The following SUMF1 variants were observed in gnomAD, a reference collection of about 807,000 sequenced individuals.
SUMF1 encodes the protein sulfatase modifying factor 1.
Under a neutral mutation model 47.6 loss-of-function variants are expected in SUMF1, and 48 were observed. That is an observed-to-expected ratio of 1.01 (90% CI 0.80 to 1.28). The LOEUF is 1.28. SUMF1 is among the 50% of genes most tolerant of loss of function. The probability of loss-of-function intolerance (pLI) is 0.00; values close to 1 mark genes in which losing one functional copy is unlikely to be tolerated. For missense variants in SUMF1, 571 were observed against 485.4 expected (o/e 1.18, Z -1.66); for synonymous variants, 230 against 192.1 (o/e 1.20, Z -1.63).
At chr3:4,382,207 T>C (rs922344039) in intron 7 of SUMF1, among the ~76,000 whole-genome samples, 6 of 152,054 alleles carry the variant, frequency 3.9e-5, no homozygotes, top group African/African-American at 1.4e-4. Context: ...TCAATCTTAT[T>C]AACAAAAATA....
At chr3:4,048,396 G>T (rs1695044685) in intron 9 of SUMF1, among the ~76,000 whole-genome samples, 1 of 152,104 alleles carries the variant, frequency 6.6e-6, no homozygotes, top group Non-Finnish European at 1.5e-5. Context: ...TATCTGTTTT[G>T]AAAAGTAAAA....
intron 8 of SUMF1, chr3:4,316,442 G>C: frequency 6.3e-7 from 1 of 1,599,944 alleles, no homozygotes. Flanking sequence ...ACGACCAGTT[G>C]AGAGCAATCA....
chr3:4,202,186 T>C (rs114093878), intron 8 of SUMF1, among the ~76,000 whole-genome samples: 6 of 152,260 alleles, frequency 3.9e-5, no homozygotes, highest in Non-Finnish European at 7.4e-5. Context: ...CCCAGACCAA[T>C]GTCCTGGACA....
intron 8 of SUMF1, among the ~76,000 whole-genome samples, chr3:4,255,114 G>A (rs940577851): frequency 6.7e-6 from 1 of 150,370 alleles, no homozygotes; most frequent in Non-Finnish European, 1.5e-5. Flanking sequence ...CCTGAAGGAA[G>A]CACTAAACAT....
intron 8 of SUMF1, among the ~76,000 whole-genome samples, chr3:4,283,440 A>C (rs944081398): frequency 6.6e-6 from 1 of 152,148 alleles, no homozygotes; most frequent in East Asian, 1.9e-4. Context: ...AATTTCATTA[A>C]ATTTCATTAA....
intron 8 of SUMF1, among the ~76,000 whole-genome samples, chr3:4,307,603 C>T (rs1698240823): frequency 6.6e-6 from 1 of 152,178 alleles, no homozygotes; most frequent in South Asian, 2.1e-4. Context: ...AATCTTCACC[C>T]AGTGCTTCAA....
rs1701842948 is a variant in SUMF1, at chr3:4,420,112, C to T, written c.554G>A (p.Gly185Asp). Residue 185 changes from glycine to aspartate, a missense_variant, in exon 4 of 9, where the codon GGC (glycine) becomes GAC (aspartate). Coordinates refer to ENST00000272902, the MANE Select transcript of SUMF1 (RefSeq NM_182760.4). ...AAAPWWLPVK[G>D]ANWRHPEGPD... ...CCCTTCTGGGTGTCTCCAGTTAGCG[C>T]CTTTCACAGGTAACCACCAGGGAGC... The T allele has an allele frequency of 1.9e-6, 3 of 1,614,104 alleles. No homozygotes were observed. The highest frequency in any genetic ancestry group is 2.5e-6 in the Non-Finnish European group (3 of 1,180,006).
chr3:4,350,148 G>C (rs74396695), intron 8 of SUMF1, among the ~76,000 whole-genome samples: 11 of 151,356 alleles, frequency 7.3e-5, no homozygotes, highest in South Asian at 6.3e-4. Context: ...TTACAGGCAT[G>C]CACCACCACG....
chr3:4,135,476 AAAT>A (rs200071262), intron 8 of SUMF1, among the ~76,000 whole-genome samples: 38,530 of 151,888 alleles, frequency 0.25, 5,699 homozygotes, highest in East Asian at 0.39. Context: ...ATGTATCTCA[AAAT>A]AATAACAGCT....
chr3:4,156,986 A>T (rs191651544), intron 8 of SUMF1, among the ~76,000 whole-genome samples: 1 of 151,656 alleles, frequency 6.6e-6, no homozygotes, highest in Non-Finnish European at 1.5e-5. Context: ...TTCAAAGTTG[A>T]TCCAGAGAGA....
At chr3:4,352,677 T>C (rs1688407) in intron 8 of SUMF1, among the ~76,000 whole-genome samples, 55,811 of 147,366 alleles carry the variant, frequency 0.38, 12,159 homozygotes, top group African/African-American at 0.6. Flanking sequence ...TTGTTGAGGG[T>C]AGTCCATGCA....
At chr3:4,064,991 C>T (rs1374545420) in intron 9 of SUMF1, among the ~76,000 whole-genome samples, 5 of 152,112 alleles carry the variant, frequency 3.3e-5, no homozygotes, top group African/African-American at 9.7e-5. Context: ...TCACTTGCAA[C>T]ATGTAAATAA....
At chr3:4,185,182 G>C (rs1695175602) in intron 8 of SUMF1, among the ~76,000 whole-genome samples, 1 of 152,140 alleles carries the variant, frequency 6.6e-6, no homozygotes, top group African/African-American at 2.4e-5. Context: ...GCAGGCTTCA[G>C]AGGCATAGTC....
rs544425019 is a variant in SUMF1 at position 4,172,052 on chromosome 3, G to C, written c.1015-103307C>G. 8.8e-4 allele frequency among the ~76,000 whole-genome samples: 134 copies of C among 152,298 alleles called. 1 individual carries two copies. Among genetic ancestry groups the C allele is most frequent in the Admixed American group, 2.9e-3 (44 of 15,296 alleles). On this transcript the variant is annotated intron_variant and NMD_transcript_variant, in intron 8 of 12. Coordinates refer to the SUMF1 transcript ENST00000448413. ...TGAATGTGGCAAGAACTGAGGCAGA[G>C]ACTGGTTAGAAAGTTTCTGTAGGAA... is the stretch of plus-strand genomic sequence containing the variant.
chr3:4,074,250 A>C (rs1692359499), intron 8 of SUMF1, among the ~76,000 whole-genome samples: 1 of 152,208 alleles, frequency 6.6e-6, no homozygotes, highest in Non-Finnish European at 1.5e-5. Context: ...CTGGATAAAT[A>C]ACAAAATGAA....
chr3:4,319,954 A>T (rs976877746), intron 8 of SUMF1, among the ~76,000 whole-genome samples: 1 of 152,180 alleles, frequency 6.6e-6, no homozygotes, highest in Non-Finnish European at 1.5e-5. Flanking sequence ...GAAAAGACAA[A>T]ACAATAGAGA....
chr3:4,178,705 A>G (rs113032950), intron 8 of SUMF1, among the ~76,000 whole-genome samples: 2 of 152,204 alleles, frequency 1.3e-5, no homozygotes, highest in Admixed American at 1.3e-4. Flanking sequence ...ATCAGGCAAG[A>G]GAAAGAAATA....
At chr3:4,098,177 A>G (rs768619485) in intron 8 of SUMF1, among the ~76,000 whole-genome samples, 54 of 152,150 alleles carry the variant, frequency 3.5e-4, no homozygotes, top group Non-Finnish European at 3.8e-4. Context: ...AGAATAACTC[A>G]GTGGTAGAGC....
rs192448009 is a variant in SUMF1 at position 4,092,719 on chromosome 3, G to A, written c.1015-23974C>T. Among the ~76,000 whole-genome samples, 153 of 151,932 alleles carry A rather than the reference G, an allele frequency of 1.0e-3. 5 individuals are homozygous for A. The highest frequency in any genetic ancestry group is 3.0e-3 in the African/African-American group (126 of 41,414). ...CAGAACTGTAGTGTGTGTGTATATC[G>A]GGGGTGGAGTAGTGTGTCATTTAGA... On this transcript the variant is annotated intron_variant and NMD_transcript_variant, in intron 8 of 12. Transcript: ENST00000448413.
Sources: gnomAD v4.1 joint callset for allele counts (sites outside exome capture counted in the v4.1 genomes callset) on GRCh38, gnomAD v4.1.1 for gene constraint, MANE v1.5 for transcripts, NCBI Gene and HGNC (gene_info 2026-07-23, HGNC 2026-07-21) for gene names.